NRG3: variants seen among roughly 807,000 people sequenced by gnomAD.
NRG3 encodes pro-neuregulin-3, membrane-bound isoform.
In NRG3, 31 loss-of-function variants were observed where a neutral mutation model predicts 66.9. The observed-to-expected ratio is 0.46, with a 90% CI of 0.35 to 0.63. The LOEUF (loss-of-function observed/expected upper bound fraction) is 0.63. Among genes scored for constraint, NRG3 ranks in the 20% least tolerant of loss-of-function variants. NRG3 has a pLI of 0.00. For synonymous variants in NRG3, 393 were observed against 359.4 expected (o/e 1.09, Z -1.06); for missense variants, 910 against 878.9 (o/e 1.04, Z -0.45).
At chr10:82,136,974 C>T (rs571467366) in intron 1 of NRG3, among the ~76,000 whole-genome samples, 14 of 152,294 alleles carry the variant, frequency 9.2e-5, no homozygotes, top group African/African-American at 3.1e-4. Flanking sequence ...TCTTTCCTAC[C>T]CTCTTCAGTA....
intron 2 of NRG3, among the ~76,000 whole-genome samples, chr10:82,413,315 C>A (rs1184832351): frequency 1.3e-5 from 2 of 152,072 alleles, no homozygotes; most frequent in Non-Finnish European, 2.9e-5. Flanking sequence ...TCTGGGGTGA[C>A]CAGGTGCAAT....
chr10:82,977,974 A>G (rs1242004132), intron 7 of NRG3, among the ~76,000 whole-genome samples: 1 of 152,090 alleles, frequency 6.6e-6, no homozygotes, highest in Non-Finnish European at 1.5e-5. Context: ...CTTTCTTTCT[A>G]TGGTTGTATT....
intron 1 of NRG3, among the ~76,000 whole-genome samples, chr10:82,172,155 G>C (rs1204073637): frequency 6.6e-6 from 1 of 152,066 alleles, no homozygotes; most frequent in Non-Finnish European, 1.5e-5. Context: ...CAAGCTTACT[G>C]TTTCCTGCTG....
chr10:82,219,794 A>G lies in NRG3; in HGVS notation c.824-138945A>G, dbSNP rs190295028. The stretch of plus-strand genomic sequence containing the variant: ...CACAATAGTCCAATGCATTAAAATG[A>G]CTTTCCTTTTAATAGTTCTACGTGA... On this transcript the variant is annotated intron_variant, in intron 1 of 8. Coordinates refer to ENST00000372141, the MANE Select transcript of NRG3 (RefSeq NM_001010848.4). Among the ~76,000 whole-genome samples the G allele has an allele frequency of 1.1e-4, 16 of 152,232 alleles. No individual in the cohort carries two copies. In the East Asian group the frequency reaches 2.7e-3, roughly 26 times the overall value.
intron 4 of NRG3, among the ~76,000 whole-genome samples, chr10:82,930,844 G>A (rs1461017227): frequency 1.3e-5 from 2 of 152,082 alleles, no homozygotes. Flanking sequence ...CGTGGTGGGT[G>A]GTGGGGGATG....
chr10:82,963,819 C>A (rs1043727039), intron 6 of NRG3, among the ~76,000 whole-genome samples: 4 of 151,998 alleles, frequency 2.6e-5, no homozygotes, highest in Non-Finnish European at 4.4e-5. Flanking sequence ...AAACAATCAC[C>A]CCTGGGTTTG....
chr10:82,289,535 G>T (rs2079606021), intron 1 of NRG3, among the ~76,000 whole-genome samples: 2 of 152,156 alleles, frequency 1.3e-5, no homozygotes. Context: ...CTTGTCTCTT[G>T]CTCTCTTGCA....
chr10:82,775,025 C>A (rs2059858034), intron 3 of NRG3, among the ~76,000 whole-genome samples: 1 of 151,524 alleles, frequency 6.6e-6, no homozygotes, highest in African/African-American at 2.4e-5. Context: ...CAGAGTTTTG[C>A]CATGTTGGCC....
intron 2 of NRG3, among the ~76,000 whole-genome samples, chr10:82,412,663 G>A (rs1301126416): frequency 6.6e-6 from 1 of 152,126 alleles, no homozygotes; most frequent in Non-Finnish European, 1.5e-5. Context: ...TCTGTAGCAT[G>A]TGATGTTGCT....
At chr10:82,712,894 C>T (rs115211669) in intron 2 of NRG3, among the ~76,000 whole-genome samples, 2,261 of 151,994 alleles carry the variant, frequency 0.015, 55 homozygotes, top group African/African-American at 0.051. Context: ...CCAAGACAGA[C>T]GGATCAGTTG....
intron 5 of NRG3, among the ~76,000 whole-genome samples, chr10:82,953,564 A>G (rs1255199187): frequency 6.6e-6 from 1 of 152,000 alleles, no homozygotes. Context: ...TCAGGCTGTC[A>G]TTTACTTGTT....
At chr10:82,535,362 C>T (rs1483954516) in intron 2 of NRG3, among the ~76,000 whole-genome samples, 3 of 151,872 alleles carry the variant, frequency 2.0e-5, no homozygotes, top group Non-Finnish European at 2.9e-5. Context: ...TAGCCCAGAA[C>T]ACTTTATTTA....
intron 1 of NRG3, among the ~76,000 whole-genome samples, chr10:82,274,304 A>G (rs2078737960): frequency 6.6e-6 from 1 of 152,064 alleles, no homozygotes; most frequent in Non-Finnish European, 1.5e-5. Context: ...GCTCATAGAA[A>G]CTTCACTGAA....
chr10:82,928,389 T>C (rs1278766562), intron 4 of NRG3, among the ~76,000 whole-genome samples: 3 of 152,214 alleles, frequency 2.0e-5, no homozygotes, highest in Admixed American at 2.0e-4. Context: ...TTGCTTTTGG[T>C]GTTTTAGTCA....
intron 1 of NRG3, among the ~76,000 whole-genome samples, chr10:81,880,247 C>T (rs974859233): frequency 3.9e-5 from 6 of 152,012 alleles, no homozygotes; most frequent in South Asian, 4.2e-4. Context: ...CGTTGGTCTC[C>T]GTGCATTAAG....
intron 3 of NRG3, among the ~76,000 whole-genome samples, chr10:82,822,434 A>G (rs2061992936): frequency 6.6e-6 from 1 of 152,080 alleles, no homozygotes. Flanking sequence ...AACTGCCACA[A>G]AGGTCTTAAT....
chr10:82,078,340 A>G (rs1419035810), intron 1 of NRG3, among the ~76,000 whole-genome samples: 1 of 152,112 alleles, frequency 6.6e-6, no homozygotes, highest in Admixed American at 6.5e-5. Flanking sequence ...AGAGTGCTCT[A>G]CACATTATCA....
intron 1 of NRG3, among the ~76,000 whole-genome samples, chr10:82,110,451 A>C (rs2067319637): frequency 6.6e-6 from 1 of 152,162 alleles, no homozygotes; most frequent in Non-Finnish European, 1.5e-5. Flanking sequence ...GAATAAGACT[A>C]TCTCATTATT....
At chr10:82,410,060 C>A (rs1422870096) in intron 2 of NRG3, among the ~76,000 whole-genome samples, 1 of 152,028 alleles carries the variant, frequency 6.6e-6, no homozygotes, top group Admixed American at 6.6e-5. Context: ...TTCCTTCATA[C>A]CGTATTGTTG....
Sources: allele counts gnomAD v4.1 joint callset (sites outside exome capture counted in the v4.1 genomes callset), GRCh38; gene constraint gnomAD v4.1.1; transcripts MANE v1.5; gene names NCBI Gene and HGNC (gene_info 2026-07-23, HGNC 2026-07-21).